GPR160: variants seen among roughly 807,000 people sequenced by gnomAD.
GPR160 encodes G protein-coupled receptor 160.
A neutral mutation model predicts 2.6 loss-of-function variants in GPR160; 2 were observed. The ratio of observed to expected loss-of-function variants is 0.77; its 90% confidence interval spans 0.32 to 2.44. The LOEUF is 2.44. GPR160 is among the 30% of genes most tolerant of loss of function. The pLI is 0.11. For synonymous variants in GPR160, 130 were observed against 132.2 expected (o/e 0.98, Z 0.12); for missense variants, 351 against 383.6 (o/e 0.91, Z 0.71).
chr3:170,059,677 C>CT (rs147739475), intron 2 of GPR160, among the ~76,000 whole-genome samples: 5,774 of 151,940 alleles, frequency 0.038, 375 homozygotes, highest in African/African-American at 0.13. Context: ...GCTTCCTGCC[C>CT]TTTTTTTTCT....
At chr3:170,039,709 A>AAAAT (rs1336909238) in intron 2 of GPR160, among the ~76,000 whole-genome samples, 3 of 152,218 alleles carry the variant, frequency 2.0e-5, no homozygotes, top group South Asian at 2.1e-4. Context: ...ACTCCGTCTC[A>AAAAT]AAATAAATAA....
At chr3:170,074,531 G>C (rs1056247855) in intron 2 of GPR160, among the ~76,000 whole-genome samples, 1 of 151,866 alleles carries the variant, frequency 6.6e-6, no homozygotes, top group African/African-American at 2.4e-5. Context: ...TCCCAGGCTG[G>C]AGTGTAGTGG....
chr3:170,062,343 C>A, intron 2 of GPR160: 1 of 284,182 alleles, frequency 3.5e-6, no homozygotes, highest in South Asian at 3.5e-5. Context: ...TCCAGGGAGG[C>A]GCTGCACCGA....
intron 2 of GPR160, among the ~76,000 whole-genome samples, chr3:170,066,929 G>A (rs186411164): frequency 3.9e-4 from 59 of 152,326 alleles, no homozygotes; most frequent in African/African-American, 1.4e-3. Flanking sequence ...TAGAGATACT[G>A]TGTGGACAAA....
At position 170,076,580 on chromosome 3, in the gene GPR160, G is replaced by A. The variant is rs562107234; in HGVS notation, c.-192-3194G>A. On this transcript the variant is annotated intron_variant, in intron 2 of 3. Coordinates refer to ENST00000355897, the MANE Select transcript of GPR160 (RefSeq NM_014373.3). ...TTTTGAGATAACTGTGTCTCACTCTGTTGCTCAGGCTGGAGTGTAGTGGTG... is the reference window on the plus strand; with the variant it reads ...TTTTGAGATAACTGTGTCTCACTCTATTGCTCAGGCTGGAGTGTAGTGGTG... Among the ~76,000 whole-genome samples, 4 of 151,540 alleles carry A rather than the reference G, an allele frequency of 2.6e-5. No homozygotes were observed. The South Asian group carries it at 8.3e-4, about 32-fold the overall frequency.
chr3:170,054,775 A>T (rs1576895063), intron 2 of GPR160, among the ~76,000 whole-genome samples: 1 of 151,184 alleles, frequency 6.6e-6, no homozygotes, highest in South Asian at 2.1e-4. Context: ...TTCCACCTTC[A>T]GCATGTATCA....
In GPR160 at chr3:170,084,911, C is replaced by T. The variant is rs1301481811; in HGVS notation, c.939C>T (p.Asn313=). 6.2e-7 allele frequency: 1 copy of T among 1,602,514 alleles called. No homozygotes were observed. Among genetic ancestry groups the T allele is most frequent in the African/African-American group, 1.3e-5 (1 of 74,644 alleles). The part of the protein sequence containing the change: ...DIGLPLDPFV[N]WKCCFIPLTI... ...GATTACCTTTGGATCCATTTGTCAA[C>T]TGGAAGTGCTGCTTCATTCCACTTA... Residue 313 remains asparagine, a synonymous_variant, in exon 4 of 4, where the codon AAC becomes AAT. Coordinates refer to ENST00000355897, the MANE Select transcript of GPR160 (RefSeq NM_014373.3).
At chr3:170,080,287 C>T (rs1713057874) in intron 3 of GPR160, among the ~76,000 whole-genome samples, 1 of 152,196 alleles carries the variant, frequency 6.6e-6, no homozygotes, top group Non-Finnish European at 1.5e-5. Context: ...GGGTAGAGTA[C>T]ATAAAATTGG....
intron 2 of GPR160, among the ~76,000 whole-genome samples, chr3:170,064,535 T>TTTTTTTTTTTTTTTTTTTTC (rs1219393634): frequency 7.8e-6 from 1 of 127,952 alleles, no homozygotes; most frequent in Admixed American, 9.0e-5. Flanking sequence ...TTTTTTTTTT[T>TTTTTTTTTTTTTTTTTTTTC]TGAGGCAGAG....
intron 2 of GPR160, among the ~76,000 whole-genome samples, chr3:170,050,340 T>C (rs1716905964): frequency 6.6e-6 from 1 of 152,038 alleles, no homozygotes; most frequent in South Asian, 2.1e-4. Flanking sequence ...ACCTCCCAGG[T>C]TCAAGTGATT....
intron 2 of GPR160, among the ~76,000 whole-genome samples, chr3:170,063,552 C>CAAAAAAAAAAAAAAAAAAA (rs528295183): frequency 3.8e-5 from 3 of 78,926 alleles, no homozygotes; most frequent in Middle Eastern, 8.8e-3. Context: ...ACAAAAAAAG[C>CAAAAAAAAAAAAAAAAAAA]AAAAAAAAAA....
intron 2 of GPR160, among the ~76,000 whole-genome samples, chr3:170,072,206 C>T (rs1712631506): frequency 6.6e-6 from 1 of 151,362 alleles, no homozygotes; most frequent in Non-Finnish European, 1.5e-5. Context: ...TCCCAAGTAG[C>T]TGGGACTACA....
rs781106877 is a variant in GPR160 at position 170,038,906 on chromosome 3, C to T, written c.-321-9C>T. The T allele has an allele frequency of 1.3e-5, 2 of 152,018 alleles. No homozygotes were observed. The highest frequency in any genetic ancestry group is 1.3e-4 in the Admixed American group (2 of 15,274). 9.4% of individuals were successfully genotyped at this position (152,018 alleles called of 1,614,324 possible). A position where few individuals can be genotyped will look rare whatever the true frequency, so the allele number is the denominator to read the frequency against. On this transcript the variant is annotated splice_polypyrimidine_tract_variant and intron_variant, in intron 1 of 3. Coordinates refer to ENST00000355897, the MANE Select transcript of GPR160 (RefSeq NM_014373.3). The surrounding 1 kb of genome is among the most constrained non-coding windows in gnomAD (Gnocchi z 5.3). ...CCGGAGACTGAAACTCCTTTTCTCA[C>T]CTGCGCAGGTGGCCTCGAGGTGGTG... is the stretch of plus-strand genomic sequence containing the variant.
At chr3:170,039,953 A>T (rs1716375617) in intron 2 of GPR160, among the ~76,000 whole-genome samples, 1 of 147,762 alleles carries the variant, frequency 6.8e-6, no homozygotes, top group African/African-American at 2.5e-5. Context: ...TTGTTCATGG[A>T]TTGTTAATAG....
At chr3:170,072,054 A>G (rs1403810763) in intron 2 of GPR160, among the ~76,000 whole-genome samples, 1 of 119,010 alleles carries the variant, frequency 8.4e-6, no homozygotes, top group Non-Finnish European at 1.7e-5. Flanking sequence ...TCCTACATAT[A>G]TTTGTATACA....
intron 2 of GPR160, among the ~76,000 whole-genome samples, chr3:170,063,905 A>C (rs1424527721): frequency 6.6e-6 from 1 of 152,224 alleles, no homozygotes; most frequent in Non-Finnish European, 1.5e-5. Flanking sequence ...ACCTGGAAGC[A>C]TCGGGGTGTG....
chr3:170,046,186 G>C (rs1002774014), intron 2 of GPR160, among the ~76,000 whole-genome samples: 1 of 152,204 alleles, frequency 6.6e-6, no homozygotes, highest in Non-Finnish European at 1.5e-5. Flanking sequence ...GCCCATCTGG[G>C]TTCCCACATG....
At chr3:170,071,223 G>A (rs1712574051) in intron 2 of GPR160, among the ~76,000 whole-genome samples, 1 of 152,156 alleles carries the variant, frequency 6.6e-6, no homozygotes, top group South Asian at 2.1e-4. Flanking sequence ...GGGCCTGTTA[G>A]GAGGTATCTG....
intron 2 of GPR160, among the ~76,000 whole-genome samples, chr3:170,046,121 C>T (rs1322022487): frequency 6.6e-6 from 1 of 152,180 alleles, no homozygotes; most frequent in Non-Finnish European, 1.5e-5. Flanking sequence ...AGAAAGACCA[C>T]AGGGAAGAAA....
Sources: allele counts gnomAD v4.1 joint callset (sites outside exome capture counted in the v4.1 genomes callset), GRCh38; gene constraint gnomAD v4.1.1; non-coding constraint Gnocchi (gnomAD v3.1); transcripts MANE v1.5; gene names NCBI Gene and HGNC (gene_info 2026-07-23, HGNC 2026-07-21).